GTSF1: variants seen among roughly 807,000 people sequenced by gnomAD.
The protein encoded by GTSF1 is gametocyte specific factor 1.
Under a neutral mutation model 28.9 loss-of-function variants are expected in GTSF1, and 11 were observed. The observed-to-expected ratio is 0.38, with a 90% CI of 0.24 to 0.63. The LOEUF is 0.63. Ranked by LOEUF, GTSF1 falls within the 30% of genes least tolerant of loss-of-function variation. The pLI, the probability that GTSF1 is intolerant of heterozygous loss-of-function variation, is 0.56. For missense variants in GTSF1, 146 were observed against 201.0 expected (o/e 0.73, Z 1.66); for synonymous variants, 69 against 65.6 (o/e 1.05, Z -0.25).
At chr12:54,465,239 C>A (rs1280176411) in intron 2 of GTSF1, 72 bp from the exon 3 acceptor site, 9 of 990,936 alleles carry the variant, frequency 9.1e-6, no homozygotes, top group African/African-American at 1.6e-5. Flanking sequence ...TCCAGGCACA[C>A]TGGATTTTTT....
At chr12:54,465,270 G>A in intron 2 of GTSF1, 103 bp from the exon 3 acceptor site, 5 of 638,432 alleles carry the variant, frequency 7.8e-6, no homozygotes, top group South Asian at 2.0e-5. Context: ...TGTAATAATA[G>A]AACAATATAG....
chr12:54,462,241 A>C, intron 5 of GTSF1, 69 bp from the exon 6 acceptor site: 1 of 1,111,122 alleles, frequency 9.0e-7, no homozygotes, highest in Non-Finnish European at 1.4e-6. Flanking sequence ...TGTTGGTTGA[A>C]TTTATAAGAT....
chr12:54,462,769 A>G, intron 4 of GTSF1, 44 bp from the exon 5 acceptor site: 2 of 1,512,034 alleles, frequency 1.3e-6, no homozygotes, highest in Non-Finnish European at 1.8e-6. Context: ...GATATTGCCA[A>G]GTTATTGTGT....
intron 3 of GTSF1, among the ~76,000 whole-genome samples, chr12:54,464,361 C>T (rs1041386132): frequency 2.6e-5 from 4 of 152,176 alleles, no homozygotes; most frequent in African/African-American, 7.2e-5. Flanking sequence ...AACAAAGATA[C>T]ATGATGTTTC....
chr12:54,465,178 G>A lies in GTSF1; in HGVS notation c.17-11C>T, dbSNP rs566367173. On this transcript the variant is annotated splice_polypyrimidine_tract_variant and intron_variant, in intron 2 of 8. Transcript: ENST00000305879. ...GGTCCAGGGAGTCGGCTGAAAGACAGAAGTGTTTCAGTAGGTAAAACGATA... is the reference window on the plus strand; with the variant it reads ...GGTCCAGGGAGTCGGCTGAAAGACAAAAGTGTTTCAGTAGGTAAAACGATA... 4 of 1,593,196 alleles carry A rather than the reference G, an allele frequency of 2.5e-6. No homozygotes were observed. Among genetic ancestry groups the A allele is most frequent in the South Asian group, 1.1e-5 (1 of 90,684 alleles).
intron 2 of GTSF1, among the ~76,000 whole-genome samples, chr12:54,468,429 A>G (rs1010802167): frequency 1.3e-5 from 2 of 152,154 alleles, no homozygotes; most frequent in African/African-American, 4.8e-5. Context: ...CCAATGTATG[A>G]GTATTTCTCT....
At chr12:54,456,350 T>TGTTA (rs1386824063) in intron 8 of GTSF1, among the ~76,000 whole-genome samples, 197 bp from the exon 9 acceptor site, 1 of 152,188 alleles carries the variant, frequency 6.6e-6, no homozygotes, top group Admixed American at 6.6e-5. Flanking sequence ...CAGAGAAACT[T>TGTTA]GTTAATTGAA....
chr12:54,472,730 T>C (rs1209911093), intron 1 of GTSF1: 2 of 152,104 alleles, frequency 1.3e-5, no homozygotes, highest in African/African-American at 4.8e-5. Flanking sequence ...GAACCTATGA[T>C]AGGAAATACA....
At position 54,459,080 on chromosome 12, in the gene GTSF1, AAC is replaced by A. The variant is rs751147452; in HGVS notation, c.*20+7_*20+8del. 8.2e-6 allele frequency: 13 copies of A among 1,588,136 alleles called. No homozygotes were observed. In the Admixed American group the frequency reaches 2.3e-4, roughly 28 times the overall value. On this transcript the variant is annotated splice_region_variant and intron_variant, in intron 8 of 8. Coordinates refer to ENST00000305879, the MANE Select transcript of GTSF1 (RefSeq NM_144594.3). ...TGAAGAGACAGTGAAATAAAACTGAAACACTTACTTGATGAGATAGGTATTCA... is the reference window on the plus strand; with the variant it reads ...TGAAGAGACAGTGAAATAAAACTGAAACTTACTTGATGAGATAGGTATTCA...
chr12:54,464,073 G>A (rs1956469750), intron 3 of GTSF1, among the ~76,000 whole-genome samples: 1 of 152,196 alleles, frequency 6.6e-6, no homozygotes, highest in South Asian at 2.1e-4. Flanking sequence ...TATGAAGTAG[G>A]GAGAAGTCTG....
Position 54,460,347 on chromosome 12 carries a change from G to T in GTSF1, c.487+30C>A, listed in dbSNP as rs182572557. 1.1e-5 allele frequency: 17 copies of T among 1,479,238 alleles called. No homozygotes were observed. The African/African-American group carries it at 1.7e-4, about 14-fold the overall frequency. The allele number at this position is 1,479,238 out of a possible 1,614,324, so 91.6% of individuals were successfully genotyped here. On this transcript the variant is annotated intron_variant, in intron 7 of 8. Transcript: ENST00000305879. ...AACTGTATTTAGCACAATGAAAAGA[G>T]TAAAACTATTTTGTCTCTATTTCAC...
intron 2 of GTSF1, among the ~76,000 whole-genome samples, chr12:54,469,981 G>A (rs1956574704): frequency 1.3e-5 from 2 of 152,158 alleles, no homozygotes; most frequent in African/African-American, 4.8e-5. Context: ...GACCAGCCTG[G>A]CCAACACGGT....
intron 8 of GTSF1, among the ~76,000 whole-genome samples, chr12:54,458,261 A>C (rs1054897068): frequency 6.6e-6 from 1 of 152,268 alleles, no homozygotes; most frequent in African/African-American, 2.4e-5. Flanking sequence ...ATCTGTGAAA[A>C]GTGAGAGAGA....
chr12:54,459,597 A>G, intron 7 of GTSF1: 1 of 389,006 alleles, frequency 2.6e-6, no homozygotes, highest in Non-Finnish European at 4.4e-6. Flanking sequence ...AAGTCTGGGG[A>G]GGACATCTGA....
In GTSF1 at chr12:54,460,303, C is replaced by G. The variant is rs1359217414; in HGVS notation, c.487+74G>C. On this transcript the variant is annotated intron_variant, in intron 7 of 8. Transcript: ENST00000305879. Reference sequence around the variant, plus strand: ...AAATGCAAGGTGTTCAGACTGAACACATCTGAATAATCAAGATCAACTGTA... The same window carrying G: ...AAATGCAAGGTGTTCAGACTGAACAGATCTGAATAATCAAGATCAACTGTA... The G allele has an allele frequency of 2.7e-6, 3 of 1,106,578 alleles. No individual in the cohort carries two copies. The African/African-American group carries it at 4.6e-5, about 17-fold the overall frequency. The allele number at this position is 1,106,578 out of a possible 1,614,324, so 68.5% of individuals were successfully genotyped here.
chr12:54,465,054 A>G lies in GTSF1; in HGVS notation c.117+13T>C. Reference sequence around the variant, plus strand: ...AACTCAGGAGGGTGTTAGAGGGCAAATTATGACCCTACCTTTCTGCACTTG... The same window carrying G: ...AACTCAGGAGGGTGTTAGAGGGCAAGTTATGACCCTACCTTTCTGCACTTG... On this transcript the variant is annotated intron_variant, in intron 3 of 8. Transcript: ENST00000305879. 6.3e-7 allele frequency: 1 copy of G among 1,593,894 alleles called. No individual in the cohort carries two copies. Among genetic ancestry groups the G allele is most frequent in the South Asian group, 1.1e-5 (1 of 90,388 alleles).
intron 4 of GTSF1, 125 bp from the exon 5 acceptor site, chr12:54,462,850 T>C (rs1956446820): frequency 1.4e-6 from 1 of 691,192 alleles, no homozygotes. Context: ...AAATGGATAG[T>C]ATAAAAGCTA....
chr12:54,461,182 C>T (rs143980978), intron 6 of GTSF1, among the ~76,000 whole-genome samples: 1 of 152,086 alleles, frequency 6.6e-6, no homozygotes, highest in Non-Finnish European at 1.5e-5. Flanking sequence ...CAGCCTCGAC[C>T]TCCTGGGCTT....
rs750322591 is a variant in GTSF1 at position 54,463,292 on chromosome 12, A to G, written c.123T>C (p.His41=). The change falls in exon 4 of 9, where the codon CAT becomes CAC. Residue 41 remains histidine, a synonymous_variant. Coordinates refer to ENST00000305879, the MANE Select transcript of GTSF1 (RefSeq NM_144594.3). ...PYHLIKCRKN[H]PDVASKLATC... ...TAGCCAATTTGCTTGCAACATCAGG[A>G]TGATTCTGTGGAACCAAAATTAAGG... 18 of 1,613,760 alleles carry G rather than the reference A, an allele frequency of 1.1e-5. No homozygotes were observed. The South Asian group carries it at 1.6e-4, about 15-fold the overall frequency.
Sources: allele counts gnomAD v4.1 joint callset (sites outside exome capture counted in the v4.1 genomes callset), GRCh38; gene constraint gnomAD v4.1.1; transcripts MANE v1.5; gene names NCBI Gene and HGNC (gene_info 2026-07-23, HGNC 2026-07-21).